The following KCNU1 variants were observed in gnomAD, a reference collection of about 807,000 sequenced individuals.
The protein encoded by KCNU1 is potassium calcium-activated channel subfamily U member 1.
In KCNU1, 93 loss-of-function variants were observed where a neutral mutation model predicts 126.8. The observed-to-expected ratio is 0.73, with a 90% CI of 0.62 to 0.87. The LOEUF (loss-of-function observed/expected upper bound fraction) is 0.87, where lower values mean the gene tolerates loss of function less well. KCNU1 is among the 40% of genes least tolerant of loss of function. The pLI is 0.00. For synonymous variants in KCNU1, 523 were observed against 494.2 expected (o/e 1.06, Z -0.77); for missense variants, 1,330 against 1,367.1 (o/e 0.97, Z 0.43).
chr8:36,847,025 T>C lies in KCNU1; in HGVS notation c.1891+1126T>C, dbSNP rs371851999. Among the ~76,000 whole-genome samples, 19 of 152,308 alleles carry C rather than the reference T, an allele frequency of 1.2e-4. 1 individual carries two copies. The highest frequency in any genetic ancestry group is 4.6e-4 in the African/African-American group (19 of 41,576). Reference sequence around the variant, plus strand: ...TGAACCGCAAGTCTTCACTGATTTCTCCTGAGGTTCCTCATTAACTTTGGT... The same window carrying C: ...TGAACCGCAAGTCTTCACTGATTTCCCCTGAGGTTCCTCATTAACTTTGGT... On this transcript the variant is annotated intron_variant, in intron 18 of 26. Transcript: ENST00000399881.
intron 12 of KCNU1, 124 bp downstream of exon 12, chr8:36,834,992 C>T: frequency 1.5e-6 from 1 of 653,442 alleles, no homozygotes; most frequent in Non-Finnish European, 2.6e-6. Flanking sequence ...TCATCATATT[C>T]CAAGGTTCTG....
At chr8:36,846,374 A>G (rs1805145487) in intron 18 of KCNU1, among the ~76,000 whole-genome samples, 1 of 152,200 alleles carries the variant, frequency 6.6e-6, no homozygotes, top group Non-Finnish European at 1.5e-5. Flanking sequence ...TCATCCTGAC[A>G]TGGTGCCGAG....
At chr8:36,825,311 C>T (rs1257417637) in intron 10 of KCNU1, among the ~76,000 whole-genome samples, 1 of 152,134 alleles carries the variant, frequency 6.6e-6, no homozygotes, top group Non-Finnish European at 1.5e-5. Context: ...TTGTCTTGAC[C>T]ATTTTTATGC....
At chr8:36,933,176 A>G (rs912454696) in intron 26 of KCNU1, 144 bp downstream of exon 26, 4 of 587,058 alleles carry the variant, frequency 6.8e-6, no homozygotes, top group Middle Eastern at 4.2e-4. Flanking sequence ...CTATGTAAGA[A>G]TAAGGAGGGA....
At chr8:36,931,236 C>G in intron 25 of KCNU1, 91 bp downstream of exon 25, 6 of 697,692 alleles carry the variant, frequency 8.6e-6, no homozygotes, top group Non-Finnish European at 1.4e-5. Context: ...TCATAGATGT[C>G]CCATAGCACA....
At position 36,817,773 on chromosome 8, in the gene KCNU1, G is replaced by T; in HGVS notation, c.1106+13G>T. ...TTTTCCTGGGAGAGTAAGTATATCT[G>T]TATGGCTCATGGGTTCTAAATTAAT... On this transcript the variant is annotated intron_variant, in intron 10 of 26. Transcript: ENST00000399881. 7.6e-7 allele frequency: 1 copy of T among 1,309,580 alleles called. No individual in the cohort carries two copies. Among genetic ancestry groups the T allele is most frequent in the Non-Finnish European group, 1.1e-6 (1 of 902,206 alleles). 81.1% of individuals were successfully genotyped at this position (1,309,580 alleles called of 1,614,324 possible).
chr8:36,825,320 G>C (rs957463882), intron 10 of KCNU1, among the ~76,000 whole-genome samples: 6 of 152,084 alleles, frequency 3.9e-5, no homozygotes, highest in African/African-American at 1.2e-4. Flanking sequence ...CCATTTTTAT[G>C]CTGAATCGTT....
At chr8:36,837,269 G>A (rs1385446159) in intron 14 of KCNU1, among the ~76,000 whole-genome samples, 1 of 151,744 alleles carries the variant, frequency 6.6e-6, no homozygotes, top group African/African-American at 2.4e-5. Context: ...TATCGAAAGT[G>A]AAAATATAAA....
chr8:36,846,253 C>G (rs1805140894), intron 18 of KCNU1, among the ~76,000 whole-genome samples: 1 of 152,218 alleles, frequency 6.6e-6, no homozygotes, highest in African/African-American at 2.4e-5. Context: ...CAACTTCAGA[C>G]TGAAAATTCA....
chr8:36,804,204 C>A, intron 3 of KCNU1, 116 bp downstream of exon 3: 1 of 689,654 alleles, frequency 1.5e-6, no homozygotes, highest in African/African-American at 1.8e-5. Context: ...TGCACGCACA[C>A]ACACAAACTC....
chr8:36,809,015 C>T (rs1246727882), intron 7 of KCNU1, among the ~76,000 whole-genome samples: 6 of 152,012 alleles, frequency 3.9e-5, no homozygotes, highest in Non-Finnish European at 7.4e-5. Context: ...CTTTCAAAAC[C>T]TACTCTTAAG....
Position 36,787,441 on chromosome 8 carries a change from G to C in KCNU1, c.315+16G>C, listed in dbSNP as rs909672842. On this transcript the variant is annotated intron_variant, in intron 2 of 26. Coordinates refer to ENST00000399881, the MANE Select transcript of KCNU1 (RefSeq NM_001031836.3). ...GCAAGTGTTGGTAAGTACATTTTCA[G>C]TGTTAGCTTGCTAACAAACTTTAGC... is the stretch of plus-strand genomic sequence containing the variant. 1 of 1,592,954 alleles carries C rather than the reference G, an allele frequency of 6.3e-7. No homozygotes were observed. Among genetic ancestry groups the C allele is most frequent in the African/African-American group, 1.3e-5 (1 of 74,552 alleles).
chr8:36,805,880 G>T (rs1465753008), intron 4 of KCNU1, among the ~76,000 whole-genome samples: 2 of 151,562 alleles, frequency 1.3e-5, no homozygotes, highest in South Asian at 2.1e-4. Flanking sequence ...GTCTTGCTTT[G>T]TCACCTAGGC....
At chr8:36,836,707 T>C in intron 13 of KCNU1, 86 bp from the exon 14 acceptor site, 3 of 1,180,656 alleles carry the variant, frequency 2.5e-6, no homozygotes, top group Non-Finnish European at 3.6e-6. Context: ...TCAAGTAAAT[T>C]TAAAAAAAGA....
chr8:36,891,127 C>T (rs1221853742), intron 19 of KCNU1, among the ~76,000 whole-genome samples: 2 of 150,436 alleles, frequency 1.3e-5, no homozygotes, highest in Non-Finnish European at 2.9e-5. Flanking sequence ...TCCACCATTA[C>T]TGCCTTATTT....
At chr8:36,817,213 A>T (rs367937466) in intron 9 of KCNU1, among the ~76,000 whole-genome samples, 2 of 152,068 alleles carry the variant, frequency 1.3e-5, no homozygotes, top group African/African-American at 4.8e-5. Flanking sequence ...AATCTGGGTG[A>T]TGCAGGCCAG....
chr8:36,830,490 A>C (rs1267933872), intron 10 of KCNU1, among the ~76,000 whole-genome samples: 1 of 152,024 alleles, frequency 6.6e-6, no homozygotes, highest in Non-Finnish European at 1.5e-5. Context: ...GTTAATGTGA[A>C]TCTCACGGAT....
At chr8:36,895,358 C>T (rs1807147493) in intron 19 of KCNU1, among the ~76,000 whole-genome samples, 1 of 152,066 alleles carries the variant, frequency 6.6e-6, no homozygotes, top group African/African-American at 2.4e-5. Flanking sequence ...GGATTGCAAG[C>T]ATGAGCCACT....
chr8:36,915,990 G>T (rs987385055), intron 22 of KCNU1, among the ~76,000 whole-genome samples: 1 of 149,300 alleles, frequency 6.7e-6, no homozygotes, highest in African/African-American at 2.5e-5. Context: ...AAAAAAGGAA[G>T]GAAGAAAAGA....
Sources: gnomAD v4.1 joint callset for allele counts (sites outside exome capture counted in the v4.1 genomes callset) on GRCh38, gnomAD v4.1.1 for gene constraint, MANE v1.5 for transcripts, NCBI Gene and HGNC (gene_info 2026-07-23, HGNC 2026-07-21) for gene names.